Variants in TRHDE observed in about 807,000 individuals in gnomAD.
The protein encoded by TRHDE is thyrotropin-releasing hormone-degrading ectoenzyme.
Under a neutral mutation model 125.7 loss-of-function variants are expected in TRHDE, and 72 were observed. That is an observed-to-expected ratio of 0.57 (90% confidence interval 0.47 to 0.70). TRHDE has a LOEUF of 0.70. Ranked by LOEUF, TRHDE falls within the 30% of genes least tolerant of loss-of-function variation. The pLI, the probability that TRHDE is intolerant of heterozygous loss-of-function variation, is 0.00. For synonymous variants in TRHDE, 509 were observed against 509.1 expected (o/e 1.00, Z 0.00); for missense variants, 1,110 against 1,327.1 (o/e 0.84, Z 2.54).
chr12:72,434,306 C>A (rs766644010), intron 3 of TRHDE, among the ~76,000 whole-genome samples: 1 of 151,168 alleles, frequency 6.6e-6, no homozygotes. Flanking sequence ...AATCACTTGA[C>A]CCCGGGAGGC....
intron 1 of TRHDE, among the ~76,000 whole-genome samples, chr12:72,105,062 C>T (rs1325331225): frequency 2.6e-5 from 4 of 152,170 alleles, no homozygotes; most frequent in African/African-American, 9.7e-5. Context: ...CAAGGAGGGA[C>T]TAACCAGCTG....
At chr12:72,373,747 G>A (rs994687894) in intron 2 of TRHDE, among the ~76,000 whole-genome samples, 1 of 152,130 alleles carries the variant, frequency 6.6e-6, no homozygotes, top group Non-Finnish European at 1.5e-5. Flanking sequence ...CAAAATCCTT[G>A]ATCGAGAATC....
intron 12 of TRHDE, among the ~76,000 whole-genome samples, chr12:72,606,776 C>T (rs916941046): frequency 1.3e-5 from 2 of 152,126 alleles, no homozygotes; most frequent in African/African-American, 4.8e-5. Flanking sequence ...AGTCATTTTG[C>T]ATCAACAATT....
At chr12:72,220,641 GT>G in intron 2 of TRHDE, among the ~76,000 whole-genome samples, 1 of 152,020 alleles carries the variant, frequency 6.6e-6, no homozygotes, top group Middle Eastern at 3.4e-3. Flanking sequence ...TCACTCAAAG[GT>G]TACTCCCATC....
intron 1 of TRHDE, among the ~76,000 whole-genome samples, chr12:72,088,081 G>A (rs1874709842): frequency 2.0e-5 from 3 of 152,074 alleles, no homozygotes. Flanking sequence ...TGAGGGACAA[G>A]GAAATCCAAG....
At chr12:72,483,234 G>A (rs1304448326) in intron 5 of TRHDE, among the ~76,000 whole-genome samples, 1 of 151,576 alleles carries the variant, frequency 6.6e-6, no homozygotes, top group Non-Finnish European at 1.5e-5. Flanking sequence ...TACCAATTTA[G>A]TTAGATTATC....
At chr12:72,442,469 C>T (rs983913622) in intron 3 of TRHDE, among the ~76,000 whole-genome samples, 17 of 151,822 alleles carry the variant, frequency 1.1e-4, no homozygotes, top group African/African-American at 4.1e-4. Context: ...GCAGATTGGC[C>T]AAATCCAATA....
At chr12:72,597,758 T>TATATATATATATAC (rs1565804834) in intron 12 of TRHDE, among the ~76,000 whole-genome samples, 6 of 20,294 alleles carry the variant, frequency 3.0e-4, no homozygotes, top group Non-Finnish European at 4.2e-4. Flanking sequence ...TATATATATA[T>TATATATATATATAC]GCATACACAC....
intron 6 of TRHDE, among the ~76,000 whole-genome samples, chr12:72,515,669 G>T (rs1376991785): frequency 6.6e-6 from 1 of 151,834 alleles, no homozygotes; most frequent in Admixed American, 6.6e-5. Flanking sequence ...GTCAATTTTG[G>T]CTTTTGTTGC....
intron 12 of TRHDE, among the ~76,000 whole-genome samples, chr12:72,605,301 G>T (rs980201438): frequency 1.6e-4 from 24 of 152,150 alleles, no homozygotes; most frequent in Middle Eastern, 3.4e-3. Flanking sequence ...GAAACTCTTT[G>T]TAGGTTCAAA....
At chr12:72,549,168 CT>C (rs1869557992) in intron 7 of TRHDE, among the ~76,000 whole-genome samples, 1 of 151,782 alleles carries the variant, frequency 6.6e-6, no homozygotes, top group Non-Finnish European at 1.5e-5. Context: ...TCATAAAATT[CT>C]GATAGCCTGA....
intron 2 of TRHDE, among the ~76,000 whole-genome samples, chr12:72,142,513 G>C (rs763390646): frequency 2.0e-4 from 30 of 152,140 alleles, no homozygotes; most frequent in African/African-American, 7.2e-4. Flanking sequence ...ATAGTGATAT[G>C]AACAGGAGAC....
chr12:72,384,383 G>A (rs1049531160), intron 3 of TRHDE, among the ~76,000 whole-genome samples: 3 of 152,084 alleles, frequency 2.0e-5, no homozygotes, highest in Admixed American at 1.3e-4. Context: ...GTCGAGGAGA[G>A]AATGCAATAT....
At chr12:72,454,404 T>C (rs1211545819) in intron 3 of TRHDE, among the ~76,000 whole-genome samples, 1 of 152,180 alleles carries the variant, frequency 6.6e-6, no homozygotes, top group African/African-American at 2.4e-5. Flanking sequence ...GCTCAGGTGC[T>C]GTCATGTGTC....
intron 2 of TRHDE, among the ~76,000 whole-genome samples, chr12:72,360,083 C>G (rs1870999444): frequency 6.6e-6 from 1 of 151,694 alleles, no homozygotes; most frequent in Admixed American, 6.6e-5. Flanking sequence ...TTTCACAGCA[C>G]TCACACAATA....
At chr12:72,236,667 G>GA (rs1186025849) in intron 2 of TRHDE, among the ~76,000 whole-genome samples, 1 of 151,888 alleles carries the variant, frequency 6.6e-6, no homozygotes, top group Non-Finnish European at 1.5e-5. Flanking sequence ...TCTTTAAAGT[G>GA]AAAAAAACCC....
chr12:72,272,241 C>G (rs1392949151), upstream of TRHDE: 10 of 395,932 alleles, frequency 2.5e-5, no homozygotes, highest in Admixed American at 1.1e-4. This position sits in a 1 kb window ranked among gnomAD's most constrained non-coding sequence, Gnocchi z 6.7. Context: ...GTCCTTCTCC[C>G]TAGCCGAGAA....
At chr12:72,146,575 T>C (rs939247258) in intron 2 of TRHDE, among the ~76,000 whole-genome samples, 1 of 152,202 alleles carries the variant, frequency 6.6e-6, no homozygotes, top group Admixed American at 6.5e-5. Context: ...AAAAAGCGTT[T>C]GGTTGCTCTG....
intron 12 of TRHDE, among the ~76,000 whole-genome samples, chr12:72,584,271 AT>A (rs570952609): frequency 1.3e-5 from 2 of 151,648 alleles, no homozygotes; most frequent in African/African-American, 2.4e-5. Context: ...GGTCCATTTT[AT>A]TTTTTTTCAA....
Sources: gnomAD v4.1 joint callset for allele counts (sites outside exome capture counted in the v4.1 genomes callset) on GRCh38, gnomAD v4.1.1 for gene constraint, Gnocchi (gnomAD v3.1) non-coding constraint, MANE v1.5 for transcripts, NCBI Gene and HGNC (gene_info 2026-07-23, HGNC 2026-07-21) for gene names.